Variants in SLC26A9 observed in about 807,000 individuals in gnomAD.
SLC26A9 encodes anion transporter/exchanger protein 9.
SLC26A9 carries 46 observed loss-of-function variants against 87.1 expected under a neutral mutation model. That is an observed-to-expected ratio of 0.53 (90% CI 0.42 to 0.67). The LOEUF (loss-of-function observed/expected upper bound fraction) is 0.67. Ranked by LOEUF, SLC26A9 falls within the 30% of genes least tolerant of loss-of-function variation. The pLI is 0.00. For synonymous variants in SLC26A9, 437 were observed against 409.1 expected, an observed-to-expected ratio of 1.07 and a Z score of -0.82; for missense variants, 927 against 1,018.3, an observed-to-expected ratio of 0.91 and a Z score of 1.22.
chr1:205,941,503 C>T (rs6661355), intron 1 of SLC26A9, among the ~76,000 whole-genome samples: 90,183 of 151,970 alleles, frequency 0.59, 27,551 homozygotes, highest in East Asian at 0.94. Context: ...CCTTTTCCTT[C>T]TACTGTCCCT....
chr1:205,942,337 G>A (rs1315255767), intron 1 of SLC26A9, among the ~76,000 whole-genome samples: 1 of 152,188 alleles, frequency 6.6e-6, no homozygotes, highest in Non-Finnish European at 1.5e-5. Flanking sequence ...GGATGCCAGG[G>A]CCAGGATGAG....
chr1:205,937,431 G>T (rs189796182), intron 1 of SLC26A9, among the ~76,000 whole-genome samples: 2 of 152,182 alleles, frequency 1.3e-5, no homozygotes, highest in Admixed American at 1.3e-4. Context: ...ATGAGAGACC[G>T]GGTGGCTTAG....
chr1:205,916,462 A>G (rs923819463), intron 20 of SLC26A9, among the ~76,000 whole-genome samples: 8 of 152,228 alleles, frequency 5.3e-5, no homozygotes. Flanking sequence ...CCCAGAATCC[A>G]TCTATTCTAC....
rs868242345 is a variant in SLC26A9, at chr1:205,919,003, C to T, written c.2111-18G>A. On this transcript the variant is annotated intron_variant, in intron 18 of 20. Transcript: ENST00000367135. ...CACCTGGGCTAGAAGGAGAAAAGAT[C>T]ACCTTCAGAAAGATAACAGCCATTG... 6.2e-7 allele frequency: 1 copy of T among 1,613,184 alleles called. No individual in the cohort carries two copies. Among genetic ancestry groups the T allele is most frequent in the Non-Finnish European group, 8.5e-7 (1 of 1,179,312 alleles).
intron 17 of SLC26A9, 89 bp from the exon 18 acceptor site, chr1:205,920,319 G>T: frequency 6.5e-7 from 1 of 1,533,914 alleles, no homozygotes; most frequent in Non-Finnish European, 9.0e-7. Context: ...CTTCAGAGGG[G>T]AAGCCAAACA....
chr1:205,920,191 A>G lies in SLC26A9; in HGVS notation c.2095T>C (p.Leu699=). ...TYGKIGVKVF[L]VNIHAQVYND... Reference sequence around the variant, plus strand: ...TTTCTCTTACCATGGATGTTCACCAAGAAGACCTTCACGCCGATCTTCCCA... The same window carrying G: ...TTTCTCTTACCATGGATGTTCACCAGGAAGACCTTCACGCCGATCTTCCCA... Residue 699 remains leucine, a synonymous_variant, in exon 18 of 21, where the codon TTG becomes CTG. Coordinates refer to ENST00000367135, the MANE Select transcript of SLC26A9 (RefSeq NM_052934.4). 8 of 1,614,064 alleles carry G rather than the reference A, an allele frequency of 5.0e-6. No individual in the cohort carries two copies. Among genetic ancestry groups the G allele is most frequent in the Non-Finnish European group, 6.8e-6 (8 of 1,179,918 alleles).
chr1:205,939,015 C>T (rs1659631513), intron 1 of SLC26A9, among the ~76,000 whole-genome samples: 1 of 152,182 alleles, frequency 6.6e-6, no homozygotes, highest in Admixed American at 6.5e-5. Context: ...GGAAAAGCCT[C>T]CCTTGCTTTA....
Position 205,923,079 on chromosome 1 carries a change from C to T in SLC26A9, c.1773+3G>A. 1 of 1,613,426 alleles carries T rather than the reference C, an allele frequency of 6.2e-7. No homozygotes were observed. The highest frequency in any genetic ancestry group is 8.5e-7 in the Non-Finnish European group (1 of 1,179,446). Reference sequence around the variant, plus strand: ...CACGGGGCTGCTTCTGGCCTTCATTCACCTTGGTTTTCATGAATAGAGACC... The same window carrying T: ...CACGGGGCTGCTTCTGGCCTTCATTTACCTTGGTTTTCATGAATAGAGACC... On this transcript the variant is annotated splice_donor_region_variant and intron_variant, in intron 16 of 20. Transcript: ENST00000367135.
In SLC26A9 at chr1:205,914,946, C is replaced by T. The variant is rs764252470; in HGVS notation, c.*411G>A. The T allele has an allele frequency of 4.3e-6, 7 of 1,614,046 alleles. No homozygotes were observed. In the East Asian group the frequency reaches 1.6e-4, roughly 36 times the overall value. ...ACACCGAGCCGTGTGGGCTCTGGGA[C>T]ACTTTTTGAAGCTTGTACAGCAGGC... On this transcript the variant is annotated 3_prime_UTR_variant, in exon 21 of 21. Transcript: ENST00000367135.
rs1405583157 is a variant in SLC26A9, at chr1:205,918,985, G to C, written c.2111C>G (p.Ala704Gly). ...GVKVFLVNIHAQVYNDISHGG... is the reference protein window; with the variant it reads ...GVKVFLVNIHGQVYNDISHGG... Reference sequence around the variant, plus strand: ...ATGGCTAATGTCATTGTACACCTGGGCTAGAAGGAGAAAAGATCACCTTCA... The same window carrying C: ...ATGGCTAATGTCATTGTACACCTGGCCTAGAAGGAGAAAAGATCACCTTCA... The change falls in exon 19 of 21, where the codon GCC becomes GGC. Residue 704 changes from alanine to glycine, a missense_variant and splice_region_variant. Ala to Gly is a moderately conservative substitution (Grantham distance 60). Coordinates refer to ENST00000367135, the MANE Select transcript of SLC26A9 (RefSeq NM_052934.4). 6.2e-7 allele frequency: 1 copy of C among 1,613,926 alleles called. No individual in the cohort carries two copies. The highest frequency in any genetic ancestry group is 1.7e-5 in the Admixed American group (1 of 60,016).
At chr1:205,922,197 C>T (rs1268859275) in intron 16 of SLC26A9, among the ~76,000 whole-genome samples, 2 of 152,176 alleles carry the variant, frequency 1.3e-5, no homozygotes, top group African/African-American at 4.8e-5. Context: ...AGTGCAGTGG[C>T]ACTATCTCGG....
At chr1:205,927,776 C>T in intron 9 of SLC26A9, 126 bp downstream of exon 9, 1 of 1,495,050 alleles carries the variant, frequency 6.7e-7, no homozygotes, top group South Asian at 1.3e-5. Flanking sequence ...GTCAGAGGAC[C>T]CCCTATCCCC....
At chr1:205,938,048 T>C (rs1659589658) in intron 1 of SLC26A9, among the ~76,000 whole-genome samples, 1 of 151,994 alleles carries the variant, frequency 6.6e-6, no homozygotes, top group East Asian at 1.9e-4. Context: ...TAAGTTCCGG[T>C]AGTGTGTTTG....
In SLC26A9 at chr1:205,937,282, G is replaced by A. The variant is rs576507129; in HGVS notation, c.-18-1444C>T. 2.6e-5 allele frequency among the ~76,000 whole-genome samples: 4 copies of A among 152,230 alleles called. No homozygotes were observed. In the East Asian group the frequency reaches 5.8e-4, roughly 22 times the overall value. On this transcript the variant is annotated intron_variant, in intron 1 of 20. Coordinates refer to ENST00000367135, the MANE Select transcript of SLC26A9 (RefSeq NM_052934.4). The stretch of plus-strand genomic sequence containing the variant: ...GTGGGAGAATGAACCTACCCCCAGC[G>A]CCTGTGCCCAGCCCCTCGCCTGGCC...
At chr1:205,917,482 T>C (rs777502656) in intron 19 of SLC26A9, 128 bp from the exon 20 acceptor site, 1 of 847,602 alleles carries the variant, frequency 1.2e-6, no homozygotes, top group South Asian at 1.5e-5. Context: ...TGACTTATCC[T>C]CTTGCCCCTT....
intron 6 of SLC26A9, 35 bp downstream of exon 6, chr1:205,929,857 T>G: frequency 6.4e-7 from 1 of 1,560,550 alleles, no homozygotes; most frequent in Non-Finnish European, 8.7e-7. Context: ...TGCTGGAGCC[T>G]TGCTCCAATG....
In SLC26A9 at chr1:205,932,726, C is replaced by T; in HGVS notation, c.352G>A (p.Gly118Arg). Residue 118 changes from glycine to arginine, a missense_variant, in exon 4 of 21, where the codon GGG becomes AGG. By Grantham distance (125) the Gly-to-Arg change is moderately radical. Coordinates refer to ENST00000367135, the MANE Select transcript of SLC26A9 (RefSeq NM_052934.4). ...CCTGGCACCATCTGGTGAACACCCC[C>T]CAGGAAGAAGTAGGTCAGGAGGGGG... ...FFPLLTYFFL[G>R]GVHQMVPGTF... 1.9e-6 allele frequency: 3 copies of T among 1,587,204 alleles called. No individual in the cohort carries two copies. Among genetic ancestry groups the T allele is most frequent in the Non-Finnish European group, 2.6e-6 (3 of 1,167,692 alleles).
intron 1 of SLC26A9, among the ~76,000 whole-genome samples, chr1:205,940,267 C>T (rs1659684141): frequency 6.6e-6 from 1 of 152,158 alleles, no homozygotes; most frequent in Admixed American, 6.5e-5. Context: ...AGGGAGGGCA[C>T]AGGCTGGAGC....
chr1:205,932,874 A>G, intron 3 of SLC26A9, 62 bp from the exon 4 acceptor site: 13 of 1,603,236 alleles, frequency 8.1e-6, no homozygotes, highest in Non-Finnish European at 1.0e-5. Flanking sequence ...TCACAGAGGG[A>G]TGGAGTGGGG....
Sources: allele counts gnomAD v4.1 joint callset (sites outside exome capture counted in the v4.1 genomes callset), GRCh38; gene constraint gnomAD v4.1.1; transcripts MANE v1.5; gene names NCBI Gene and HGNC (gene_info 2026-07-23, HGNC 2026-07-21).